Variants in LYRM7 observed in about 807,000 individuals in gnomAD.
LYRM7 encodes the protein LYR motif containing 7, also known as complex III assembly factor LYRM7.
LYRM7 carries 9 observed loss-of-function variants against 15.8 expected under a neutral mutation model. That is an observed-to-expected ratio of 0.57 (90% CI 0.34 to 0.99). The LOEUF (loss-of-function observed/expected upper bound fraction) is 0.99, where lower values mean the gene tolerates loss of function less well. Ranked by LOEUF, LYRM7 falls within the 50% of genes least tolerant of loss-of-function variation. The pLI, the probability that LYRM7 is intolerant of heterozygous loss-of-function variation, is 0.02. For synonymous variants in LYRM7, 39 were observed against 39.4 expected (o/e 0.99, Z 0.04); for missense variants, 115 against 119.1 (o/e 0.97, Z 0.16).
At chr5:131,172,878 G>A (rs954145003) in intron 1 of LYRM7, among the ~76,000 whole-genome samples, 4 of 152,180 alleles carry the variant, frequency 2.6e-5, no homozygotes, top group African/African-American at 7.2e-5. Context: ...TGCCTGAATT[G>A]TCCAATCAGT....
chr5:131,180,254 A>G, intron 2 of LYRM7, 87 bp downstream of exon 2: 1 of 810,012 alleles, frequency 1.2e-6, no homozygotes, highest in Admixed American at 2.2e-5. Flanking sequence ...GTCAAGACCC[A>G]TTTTAGGGAA....
chr5:131,177,822 C>T (rs1423513909), intron 1 of LYRM7, among the ~76,000 whole-genome samples: 1 of 152,148 alleles, frequency 6.6e-6, no homozygotes, highest in Non-Finnish European at 1.5e-5. Flanking sequence ...TCCCTTTTCT[C>T]TTTTCTCTCT....
At chr5:131,179,349 C>T (rs1442465791) in intron 1 of LYRM7, among the ~76,000 whole-genome samples, 1 of 150,996 alleles carries the variant, frequency 6.6e-6, no homozygotes, top group African/African-American at 2.4e-5. Context: ...GTCTATGAAA[C>T]AAACAGAAAA....
chr5:131,191,462 G>A (rs80198816), intron 4 of LYRM7, among the ~76,000 whole-genome samples: 4,430 of 152,136 alleles, frequency 0.029, 85 homozygotes, highest in Non-Finnish European at 0.046. Flanking sequence ...CCTTGTATGC[G>A]TGAATTCTAA....
At chr5:131,191,837 G>T (rs893052690) in intron 4 of LYRM7, among the ~76,000 whole-genome samples, 1 of 151,988 alleles carries the variant, frequency 6.6e-6, no homozygotes, top group African/African-American at 2.4e-5. Context: ...CAGTATAGAG[G>T]TTCCTCAAAA....
intron 1 of LYRM7, among the ~76,000 whole-genome samples, chr5:131,176,289 T>A (rs1755601477): frequency 6.6e-6 from 1 of 152,204 alleles, no homozygotes; most frequent in Non-Finnish European, 1.5e-5. Context: ...TAGGTTTAAC[T>A]TTTTTTAGCA....
At chr5:131,185,051 TCCAAGCCACCA>T (rs1755775903) in intron 3 of LYRM7, among the ~76,000 whole-genome samples, 2 of 152,060 alleles carry the variant, frequency 1.3e-5, no homozygotes, top group African/African-American at 4.8e-5. Flanking sequence ...TATCTCCGAG[TCCAAGCCACCA>T]TCATCTCTCT....
chr5:131,189,377 A>T (rs1397657247), intron 4 of LYRM7, among the ~76,000 whole-genome samples: 1 of 131,020 alleles, frequency 7.6e-6, no homozygotes, highest in Non-Finnish European at 1.6e-5. Context: ...CGGGAGGCGG[A>T]GCTTGCAGTG....
At chr5:131,178,689 G>A (rs765919806) in intron 1 of LYRM7, among the ~76,000 whole-genome samples, 1 of 151,998 alleles carries the variant, frequency 6.6e-6, no homozygotes, top group African/African-American at 2.4e-5. Flanking sequence ...AGGGCCAGAC[G>A]TAGTGGCTCA....
chr5:131,191,151 C>G (rs1001424453), intron 4 of LYRM7, among the ~76,000 whole-genome samples: 20 of 150,396 alleles, frequency 1.3e-4, no homozygotes, highest in Non-Finnish European at 2.7e-4. Flanking sequence ...CTCATTCTTT[C>G]TGTGTGTGTG....
chr5:131,185,461 T>C (rs1422280899), intron 3 of LYRM7, among the ~76,000 whole-genome samples: 3 of 152,252 alleles, frequency 2.0e-5, no homozygotes, highest in Non-Finnish European at 4.4e-5. Context: ...CAGTGAACTT[T>C]AATTGATATT....
intron 4 of LYRM7, among the ~76,000 whole-genome samples, chr5:131,192,952 A>C (rs1755908558): frequency 6.6e-6 from 1 of 152,164 alleles, no homozygotes. Context: ...TTTCATTCGT[A>C]CAAATTTATG....
chr5:131,192,464 G>A (rs1421883651), intron 4 of LYRM7, among the ~76,000 whole-genome samples: 32 of 152,150 alleles, frequency 2.1e-4, no homozygotes, highest in Admixed American at 2.1e-3. Context: ...TAAGGTCATA[G>A]ATATGCTAAT....
intron 4 of LYRM7, among the ~76,000 whole-genome samples, chr5:131,193,012 G>A (rs1232915542): frequency 1.3e-5 from 2 of 151,850 alleles, no homozygotes; most frequent in South Asian, 2.1e-4. Context: ...TATTTTTTAC[G>A]GTACTTAGTT....
intron 4 of LYRM7, among the ~76,000 whole-genome samples, chr5:131,199,021 C>T (rs1756016205): frequency 6.6e-6 from 1 of 152,140 alleles, no homozygotes; most frequent in Non-Finnish European, 1.5e-5. Context: ...CAGACTGTTC[C>T]ACCCATTACA....
chr5:131,171,065 A>T (rs781267067), intron 1 of LYRM7, 27 bp downstream of exon 1: 13 of 1,516,106 alleles, frequency 8.6e-6, no homozygotes, highest in Middle Eastern at 1.7e-4. Context: ...AGGGGTGGGT[A>T]CGATGCCGTC....
At chr5:131,184,198 C>T (rs1755757302) in intron 3 of LYRM7, among the ~76,000 whole-genome samples, 2 of 152,124 alleles carry the variant, frequency 1.3e-5, no homozygotes. Flanking sequence ...AACTCCTGAC[C>T]TCAGGTGATC....
At chr5:131,184,644 G>GA (rs1554090150) in intron 3 of LYRM7, among the ~76,000 whole-genome samples, 1 of 144,920 alleles carries the variant, frequency 6.9e-6, no homozygotes, top group African/African-American at 2.9e-5. Context: ...TTTTGGCGGG[G>GA]GGGGGGTTCC....
intron 2 of LYRM7, among the ~76,000 whole-genome samples, chr5:131,180,792 T>G (rs961694268): frequency 1.3e-5 from 2 of 152,244 alleles, no homozygotes; most frequent in African/African-American, 4.8e-5. Flanking sequence ...TTGTATTATA[T>G]GTACTTTACA....
Sources: allele counts gnomAD v4.1 joint callset (sites outside exome capture counted in the v4.1 genomes callset), GRCh38; gene constraint gnomAD v4.1.1; transcripts MANE v1.5; gene names NCBI Gene and HGNC (gene_info 2026-07-23, HGNC 2026-07-21).